Variants in CADM2 observed in about 807,000 individuals in gnomAD.
The protein encoded by CADM2 is immunoglobulin superfamily member 4D.
A neutral mutation model predicts 49.8 loss-of-function variants in CADM2; 12 were observed. The ratio of observed to expected loss-of-function variants is 0.24; its 90% CI spans 0.15 to 0.39. The LOEUF is 0.39. Ranked by LOEUF, CADM2 falls within the 10% of genes least tolerant of loss-of-function variation. The pLI is 1.00. For missense variants in CADM2, 378 were observed against 492.3 expected, an observed-to-expected ratio of 0.77 and a Z score of 2.20; for synonymous variants, 214 against 175.4, an observed-to-expected ratio of 1.22 and a Z score of -1.74.
intron 1 of CADM2, among the ~76,000 whole-genome samples, chr3:85,385,091 A>G (rs1349199325): frequency 6.6e-6 from 1 of 151,964 alleles, no homozygotes; most frequent in Admixed American, 6.6e-5. Flanking sequence ...GCGCTCCAGC[A>G]CACCTGCTAA....
At chr3:86,003,365 C>G (rs997257636) in intron 8 of CADM2, among the ~76,000 whole-genome samples, 1 of 152,034 alleles carries the variant, frequency 6.6e-6, no homozygotes, top group African/African-American at 2.4e-5. Flanking sequence ...ATCCTTTTTT[C>G]TCTAATCCAA....
intron 1 of CADM2, among the ~76,000 whole-genome samples, chr3:84,992,145 G>A (rs1170544860): frequency 6.6e-6 from 1 of 152,100 alleles, no homozygotes; most frequent in Non-Finnish European, 1.5e-5. Context: ...GTAAACTATG[G>A]ACTCTGGTGG....
intron 1 of CADM2, among the ~76,000 whole-genome samples, chr3:85,171,713 G>T (rs967691340): frequency 6.6e-6 from 1 of 152,098 alleles, no homozygotes; most frequent in African/African-American, 2.4e-5. Flanking sequence ...AAATAATTTT[G>T]TATGTACAGT....
chr3:86,022,652 G>A (rs995135069), intron 8 of CADM2, among the ~76,000 whole-genome samples: 2 of 152,006 alleles, frequency 1.3e-5, no homozygotes, highest in Non-Finnish European at 2.9e-5. Context: ...ATGCATAATA[G>A]CCATTTTAGC....
intron 1 of CADM2, among the ~76,000 whole-genome samples, chr3:84,975,853 T>C (rs2031785606): frequency 6.6e-6 from 1 of 151,862 alleles, no homozygotes; most frequent in Non-Finnish European, 1.5e-5. Context: ...CATAAGTGAA[T>C]GCACTGCTAG....
At chr3:85,917,060 G>A (rs1313496858) in intron 6 of CADM2, among the ~76,000 whole-genome samples, 2 of 152,122 alleles carry the variant, frequency 1.3e-5, no homozygotes, top group East Asian at 3.9e-4. Flanking sequence ...ATAGATTATG[G>A]ATATTAGCCA....
rs1258874202 is a variant in CADM2 at position 85,193,084 on chromosome 3, AAAG to A, written c.61+233423_61+233425del. On this transcript the variant is annotated intron_variant, in intron 1 of 9. Coordinates refer to ENST00000383699, the MANE Select transcript of CADM2 (RefSeq NM_001167675.2). ...TTCCAGAAATCACAATGGTATAAAT[AAAG>A]AAGAAGTGTGACTACATTTCCAAGT... 5.9e-5 allele frequency among the ~76,000 whole-genome samples: 9 copies of A among 152,218 alleles called. 1 individual carries two copies. Among genetic ancestry groups the A allele is most frequent in the East Asian group, 1.9e-4 (1 of 5,178 alleles).
At chr3:85,849,064 A>G (rs529183417) in intron 3 of CADM2, among the ~76,000 whole-genome samples, 3 of 152,318 alleles carry the variant, frequency 2.0e-5, no homozygotes, top group South Asian at 4.1e-4. Context: ...CTGTGGGATG[A>G]TATTTCTCTG....
At chr3:85,868,972 T>A (rs988539456) in intron 3 of CADM2, among the ~76,000 whole-genome samples, 2 of 152,212 alleles carry the variant, frequency 1.3e-5, no homozygotes, top group Admixed American at 6.5e-5. Context: ...TCTGCTTTTT[T>A]ATTGGAGTTT....
chr3:85,631,032 T>C (rs1393843753), intron 1 of CADM2, among the ~76,000 whole-genome samples: 2 of 152,100 alleles, frequency 1.3e-5, no homozygotes, highest in Non-Finnish European at 2.9e-5. Context: ...AAAGTTCTTA[T>C]CAATTTGATC....
Position 85,468,177 on chromosome 3 carries a change from A to C in CADM2, c.62-258345A>C, listed in dbSNP as rs867452735. Among the ~76,000 whole-genome samples the C allele has an allele frequency of 2.0e-3, 298 of 151,044 alleles. 4 individuals are homozygous for C. Among genetic ancestry groups the C allele is most frequent in the African/African-American group, 7.0e-3 (286 of 40,990 alleles). ...TCAAAAAAAAAAAAAAAAAAAAAAA[A>C]AAAACATTGAGGCAGGAAAACTAAT... On this transcript the variant is annotated intron_variant, in intron 1 of 9. Coordinates refer to ENST00000383699, the MANE Select transcript of CADM2 (RefSeq NM_001167675.2).
At chr3:85,071,811 A>AT (rs1380544743) in intron 1 of CADM2, among the ~76,000 whole-genome samples, 13 of 151,956 alleles carry the variant, frequency 8.6e-5, no homozygotes. Flanking sequence ...ATTGTGCATG[A>AT]TTTTTTTGTG....
intron 1 of CADM2, among the ~76,000 whole-genome samples, chr3:85,136,820 T>C (rs1273996448): frequency 6.6e-6 from 1 of 152,024 alleles, no homozygotes; most frequent in Non-Finnish European, 1.5e-5. Flanking sequence ...TACAACTTTA[T>C]AGGAATAAAA....
intron 1 of CADM2, among the ~76,000 whole-genome samples, chr3:85,518,217 T>C (rs556070467): frequency 1.8e-4 from 28 of 152,106 alleles, no homozygotes; most frequent in Non-Finnish European, 3.4e-4. Context: ...TCTCAAACTC[T>C]TGGCTTCTAG....
At chr3:85,643,333 T>G (rs1335757254) in intron 1 of CADM2, among the ~76,000 whole-genome samples, 2 of 152,192 alleles carry the variant, frequency 1.3e-5, no homozygotes, top group Non-Finnish European at 2.9e-5. Context: ...TTTTTTATTG[T>G]TAAAATTGTA....
At chr3:85,163,053 T>A (rs1217404941) in intron 1 of CADM2, among the ~76,000 whole-genome samples, 2 of 152,034 alleles carry the variant, frequency 1.3e-5, no homozygotes, top group Non-Finnish European at 2.9e-5. Context: ...AAATTTGAAA[T>A]AGTTATATGT....
chr3:85,243,756 C>A (rs957883891), intron 1 of CADM2, among the ~76,000 whole-genome samples: 1 of 151,886 alleles, frequency 6.6e-6, no homozygotes, highest in East Asian at 1.9e-4. Context: ...TAGCTTTATT[C>A]GAATAAAAAT....
At chr3:85,295,678 A>T (rs1451177347) in intron 1 of CADM2, among the ~76,000 whole-genome samples, 13 of 152,100 alleles carry the variant, frequency 8.5e-5, no homozygotes, top group African/African-American at 2.9e-4. Flanking sequence ...TTCTCAGTAA[A>T]CTATCGCAAG....
At chr3:85,532,289 A>C (rs2061332106) in intron 1 of CADM2, among the ~76,000 whole-genome samples, 1 of 152,212 alleles carries the variant, frequency 6.6e-6, no homozygotes, top group Non-Finnish European at 1.5e-5. Flanking sequence ...AATAATTCAA[A>C]GTACTTGTTA....
Sources: gnomAD v4.1 joint callset for allele counts (sites outside exome capture counted in the v4.1 genomes callset) on GRCh38, gnomAD v4.1.1 for gene constraint, MANE v1.5 for transcripts, NCBI Gene and HGNC (gene_info 2026-07-23, HGNC 2026-07-21) for gene names.